The following L3MBTL4 variants were observed in gnomAD, a reference collection of about 807,000 sequenced individuals.
The protein encoded by L3MBTL4 is L3MBTL histone methyl-lysine binding protein 4, also known as lethal(3)malignant brain tumor-like protein 4.
L3MBTL4 carries 70 observed loss-of-function variants against 84.5 expected under a neutral mutation model. That is an observed-to-expected ratio of 0.83 (90% CI 0.68 to 1.01). The LOEUF (loss-of-function observed/expected upper bound fraction) is 1.01. Ranked by LOEUF, L3MBTL4 falls within the 50% of genes least tolerant of loss-of-function variation. The pLI is 0.00. For synonymous variants in L3MBTL4, 274 were observed against 259.8 expected (o/e 1.05, Z -0.52); for missense variants, 715 against 754.8 (o/e 0.95, Z 0.62).
intron 1 of L3MBTL4, among the ~76,000 whole-genome samples, chr18:6,345,290 G>A (rs2052834462): frequency 6.6e-6 from 1 of 150,638 alleles, no homozygotes; most frequent in South Asian, 2.1e-4. Flanking sequence ...CCAGCTATAT[G>A]GGAAGCTGAG....
intron 1 of L3MBTL4, among the ~76,000 whole-genome samples, chr18:6,347,749 T>C (rs775593674): frequency 7.9e-5 from 12 of 151,774 alleles, no homozygotes; most frequent in Non-Finnish European, 1.5e-4. Context: ...TTCTTCTGAG[T>C]TGGAAATTAT....
intron 10 of L3MBTL4, among the ~76,000 whole-genome samples, chr18:6,226,713 T>C (rs1342653114): frequency 1.3e-5 from 2 of 152,098 alleles, no homozygotes; most frequent in African/African-American, 4.8e-5. Context: ...TCATAAACTG[T>C]AGAGCAACTG....
At chr18:6,125,692 A>G (rs1406582272) in intron 14 of L3MBTL4, among the ~76,000 whole-genome samples, 5 of 152,216 alleles carry the variant, frequency 3.3e-5, no homozygotes, top group Non-Finnish European at 7.3e-5. Context: ...GGCCTCCCAA[A>G]GTGTTGGAAT....
intron 7 of L3MBTL4, among the ~76,000 whole-genome samples, chr18:6,242,003 C>G (rs964327350): frequency 3.9e-5 from 6 of 152,180 alleles, no homozygotes; most frequent in African/African-American, 1.4e-4. Flanking sequence ...TTACTAGTCT[C>G]CCATTAAAAA....
chr18:6,231,119 T>C (rs987084543), intron 10 of L3MBTL4, among the ~76,000 whole-genome samples: 1 of 152,218 alleles, frequency 6.6e-6, no homozygotes, highest in East Asian at 1.9e-4. Flanking sequence ...TTGCTGAAGT[T>C]GCTTTTGGTG....
chr18:6,118,478 G>A (rs1789266443), intron 14 of L3MBTL4, among the ~76,000 whole-genome samples: 1 of 152,058 alleles, frequency 6.6e-6, no homozygotes, highest in African/African-American at 2.4e-5. Flanking sequence ...CTGAGCTTCT[G>A]GAAACAGAGA....
chr18:6,211,938 T>G (rs572555779), intron 12 of L3MBTL4, among the ~76,000 whole-genome samples: 1 of 152,346 alleles, frequency 6.6e-6, no homozygotes, highest in South Asian at 2.1e-4. Context: ...CGTGAACCAC[T>G]GTGCCCGGCC....
At chr18:6,282,682 A>G (rs531480449) in intron 4 of L3MBTL4, among the ~76,000 whole-genome samples, 6 of 152,266 alleles carry the variant, frequency 3.9e-5, no homozygotes, top group African/African-American at 1.2e-4. Context: ...GGTTTTAAGC[A>G]AAGGAAAGGT....
intron 1 of L3MBTL4, among the ~76,000 whole-genome samples, chr18:6,321,178 T>G (rs1006344658): frequency 2.6e-5 from 4 of 152,038 alleles, no homozygotes; most frequent in African/African-American, 9.7e-5. Flanking sequence ...GGCAGAAAAT[T>G]TATGACTACG....
intron 16 of L3MBTL4, among the ~76,000 whole-genome samples, chr18:6,076,115 A>G (rs977702195): frequency 3.9e-5 from 6 of 152,138 alleles, no homozygotes; most frequent in African/African-American, 7.2e-5. Context: ...TGCAAACCCA[A>G]TTGCCCAGAA....
At chr18:6,372,519 T>G (rs1448271426) in intron 1 of L3MBTL4, among the ~76,000 whole-genome samples, 1 of 152,168 alleles carries the variant, frequency 6.6e-6, no homozygotes, top group Non-Finnish European at 1.5e-5. Context: ...AAATAGAAAT[T>G]TGCAACTCTT....
At chr18:6,353,634 T>C (rs1001475914) in intron 1 of L3MBTL4, among the ~76,000 whole-genome samples, 1 of 152,192 alleles carries the variant, frequency 6.6e-6, no homozygotes, top group Non-Finnish European at 1.5e-5. Flanking sequence ...GTAGCATTTC[T>C]ATATGCCAAC....
intron 13 of L3MBTL4, among the ~76,000 whole-genome samples, chr18:6,159,630 T>A (rs2144971576): frequency 6.6e-6 from 1 of 152,280 alleles, no homozygotes; most frequent in South Asian, 2.1e-4. Flanking sequence ...GACGCGATGG[T>A]CCCTGCACGG....
At chr18:6,256,521 T>C (rs996724286) in intron 5 of L3MBTL4, among the ~76,000 whole-genome samples, 1 of 151,264 alleles carries the variant, frequency 6.6e-6, no homozygotes, top group African/African-American at 2.4e-5. Flanking sequence ...TTTCAGGACA[T>C]AAAGTCTTTC....
At chr18:6,027,753 A>AC (rs2055579058) in intron 16 of L3MBTL4, among the ~76,000 whole-genome samples, 1 of 152,068 alleles carries the variant, frequency 6.6e-6, no homozygotes, top group African/African-American at 2.4e-5. Context: ...ATGGTATCTC[A>AC]CTGTGGTTTT....
intron 1 of L3MBTL4, among the ~76,000 whole-genome samples, chr18:6,352,884 C>T (rs1016124957): frequency 3.3e-5 from 5 of 152,100 alleles, no homozygotes; most frequent in Admixed American, 6.6e-5. Flanking sequence ...CTATTTTTAT[C>T]CTAAATTGTT....
intron 16 of L3MBTL4, among the ~76,000 whole-genome samples, chr18:6,065,061 G>C (rs2057356229): frequency 6.6e-6 from 1 of 151,924 alleles, no homozygotes; most frequent in Admixed American, 6.6e-5. Flanking sequence ...AGAATAAAGG[G>C]ATGTTGAATT....
chr18:6,070,065 A>C (rs1314294465), intron 16 of L3MBTL4, among the ~76,000 whole-genome samples: 1 of 152,192 alleles, frequency 6.6e-6, no homozygotes, highest in Admixed American at 6.5e-5. Context: ...CTCTTAAGAC[A>C]TAACTAAGAA....
intron 12 of L3MBTL4, among the ~76,000 whole-genome samples, chr18:6,208,197 T>C (rs1190643092): frequency 6.6e-6 from 1 of 152,158 alleles, no homozygotes; most frequent in African/African-American, 2.4e-5. Flanking sequence ...GGTGGCTTTC[T>C]GGAAGCACAG....
Sources: allele counts gnomAD v4.1 joint callset (sites outside exome capture counted in the v4.1 genomes callset), GRCh38; gene constraint gnomAD v4.1.1; transcripts MANE v1.5; gene names NCBI Gene and HGNC (gene_info 2026-07-23, HGNC 2026-07-21).